The following DARS2 variants were observed in gnomAD, a reference collection of about 807,000 sequenced individuals.
DARS2 encodes aspartate--tRNA ligase, mitochondrial.
DARS2 carries 63 observed loss-of-function variants against 83.0 expected under a neutral mutation model. The ratio of observed to expected loss-of-function variants is 0.76; its 90% confidence interval spans 0.62 to 0.94. The LOEUF is 0.94. DARS2 is among the 40% of genes least tolerant of loss of function. The probability of loss-of-function intolerance (pLI) is 0.00; values close to 1 mark genes in which losing one functional copy is unlikely to be tolerated. For missense variants in DARS2, 675 were observed against 774.4 expected (o/e 0.87, Z 1.52); for synonymous variants, 250 against 269.3 (o/e 0.93, Z 0.70).
chr1:173,831,735 A>C (rs1652805217), intron 5 of DARS2, 105 bp downstream of exon 5: 2 of 927,388 alleles, frequency 2.2e-6, no homozygotes, highest in Non-Finnish European at 3.5e-6. Flanking sequence ...TACAAAATTA[A>C]GCATTTTATT....
intron 11 of DARS2, among the ~76,000 whole-genome samples, chr1:173,844,279 T>C (rs1346019213): frequency 6.6e-6 from 1 of 152,198 alleles, no homozygotes; most frequent in Admixed American, 6.5e-5. Flanking sequence ...TCTGAAAGTT[T>C]TCTTTCACAA....
chr1:173,840,036 T>C (rs1653148317), intron 10 of DARS2, among the ~76,000 whole-genome samples: 1 of 152,202 alleles, frequency 6.6e-6, no homozygotes. Flanking sequence ...CAATATCCCT[T>C]GATCCCTGTA....
intron 12 of DARS2, 43 bp from the exon 13 acceptor site, chr1:173,850,283 CA>C (rs199872112): frequency 0.056 from 73,092 of 1,298,244 alleles, no homozygotes; most frequent in Middle Eastern, 0.079. Flanking sequence ...TCCCACTGTT[CA>C]AAAAAAAAAA....
rs746792915 is a variant in DARS2 at position 173,850,400 on chromosome 1, A to C, written c.1265A>C (p.Gln422Pro). ...GTTGCTAATTTCATAATGGAGTCAC[A>C]AAGACTGGAATTAATCAGACTAATG... ...SPVANFIMES[Q>P]RLELIRLMET... is the part of the protein sequence containing the mutation. The change falls in exon 13 of 17, where the codon CAA becomes CCA. Residue 422 changes from glutamine to proline, a missense_variant. Coordinates refer to ENST00000649689, the MANE Select transcript of DARS2 (RefSeq NM_018122.5). The C allele has an allele frequency of 6.2e-7, 1 of 1,613,944 alleles. No homozygotes were observed. Among genetic ancestry groups the C allele is most frequent in the Non-Finnish European group, 8.5e-7 (1 of 1,179,944 alleles).
At chr1:173,834,626 A>G (rs1187521655) in intron 7 of DARS2, 107 bp downstream of exon 7, 7 of 716,378 alleles carry the variant, frequency 9.8e-6, no homozygotes, top group African/African-American at 5.3e-5. Flanking sequence ...CTGCCTCAGG[A>G]TGGTCATATT....
chr1:173,857,009 A>G (rs1653880679), intron 16 of DARS2, among the ~76,000 whole-genome samples: 1 of 152,226 alleles, frequency 6.6e-6, no homozygotes, highest in Admixed American at 6.5e-5. Context: ...CCATGGCCTC[A>G]CATACGCACT....
At chr1:173,831,814 T>G (rs1453863033) in intron 5 of DARS2, among the ~76,000 whole-genome samples, 184 bp downstream of exon 5, 1 of 152,256 alleles carries the variant, frequency 6.6e-6, no homozygotes, top group Non-Finnish European at 1.5e-5. Context: ...ATAATGACAG[T>G]TCAGTAAACT....
Position 173,853,348 on chromosome 1 carries a change from G to A in DARS2, c.1345-1G>A. 1 of 1,613,358 alleles carries A rather than the reference G, an allele frequency of 6.2e-7. No individual in the cohort carries two copies. The highest frequency in any genetic ancestry group is 1.1e-5 in the South Asian group (1 of 91,048). ...TCAATGTTTACGTCTTCTGTTTGCA[G>A]TGCTCTTTGTTAGGAAAATTACGAC... On this transcript the variant is annotated splice_acceptor_variant, in intron 13 of 16. Coordinates refer to ENST00000649689, the MANE Select transcript of DARS2 (RefSeq NM_018122.5). LOFTEE classifies it high-confidence loss of function.
At chr1:173,831,203 C>A (rs1481269501) in intron 4 of DARS2, among the ~76,000 whole-genome samples, 8 of 149,816 alleles carry the variant, frequency 5.3e-5, no homozygotes, top group Non-Finnish European at 1.2e-4. Context: ...GCGTGAGCCA[C>A]CGTGCCTGGC....
At chr1:173,825,484 T>TTATTATTATTATTA (rs1188697336) in intron 1 of DARS2, 128 bp downstream of exon 1, 30 of 537,548 alleles carry the variant, frequency 5.6e-5, no homozygotes, top group Non-Finnish European at 7.5e-5. Flanking sequence ...ATTATTATTA[T>TTATTATTATTATTA]TTGAGACGGA....
chr1:173,832,012 G>A (rs776968462), intron 5 of DARS2, among the ~76,000 whole-genome samples: 21 of 152,160 alleles, frequency 1.4e-4, no homozygotes, highest in Non-Finnish European at 2.9e-5. Context: ...GTGATAAAAT[G>A]TGTGCTTAGA....
At chr1:173,835,631 G>C (rs746574772) in intron 7 of DARS2, among the ~76,000 whole-genome samples, 14 of 152,020 alleles carry the variant, frequency 9.2e-5, no homozygotes, top group Non-Finnish European at 1.6e-4. Context: ...TTTTCGGCCA[G>C]GCACAGTGGC....
intron 12 of DARS2, among the ~76,000 whole-genome samples, chr1:173,845,532 A>G (rs1653402076): frequency 6.6e-6 from 1 of 152,142 alleles, no homozygotes; most frequent in Non-Finnish European, 1.5e-5. Context: ...CTTAGGCTCA[A>G]GCAATGCTCC....
intron 2 of DARS2, among the ~76,000 whole-genome samples, chr1:173,828,073 C>T (rs1382948996): frequency 6.6e-6 from 1 of 151,448 alleles, no homozygotes; most frequent in Non-Finnish European, 1.5e-5. Context: ...ATTAATATAC[C>T]AGGTAAGTAG....
chr1:173,851,197 C>T (rs942734259), intron 13 of DARS2, among the ~76,000 whole-genome samples: 4 of 144,692 alleles, frequency 2.8e-5, no homozygotes, highest in South Asian at 2.2e-4. Context: ...TGCAGTGAGC[C>T]GAGATTGTGC....
chr1:173,853,895 C>A lies in DARS2; in HGVS notation c.1664C>A (p.Thr555Asn). 6.2e-7 allele frequency: 1 copy of A among 1,613,430 alleles called. No homozygotes were observed. The highest frequency in any genetic ancestry group is 1.1e-5 in the South Asian group (1 of 91,076). Residue 555 changes from threonine to asparagine, a missense_variant, in exon 15 of 17, where the codon ACC becomes AAC. By Grantham distance (65) the Thr-to-Asn change is moderately conservative. Coordinates refer to ENST00000649689, the MANE Select transcript of DARS2 (RefSeq NM_018122.5). The stretch of plus-strand genomic sequence containing the variant: ...GAGCTGCAGCGTTATATCCTGGCAA[C>A]CTTACTAAAGGTAACAAACATCATC... The part of the protein sequence containing the change: ...NAELQRYILA[T>N]LLKEDVKMLS...
At chr1:173,836,801 G>A in intron 7 of DARS2, 139 bp from the exon 8 acceptor site, 1 of 742,804 alleles carries the variant, frequency 1.3e-6, no homozygotes, top group East Asian at 2.5e-5. Flanking sequence ...GCAGGAAATT[G>A]TCTCTGTCAT....
intron 12 of DARS2, among the ~76,000 whole-genome samples, chr1:173,847,711 T>C (rs966825558): frequency 6.6e-6 from 1 of 152,120 alleles, no homozygotes; most frequent in African/African-American, 2.4e-5. Flanking sequence ...TTTGGAAATA[T>C]CTCTACATAC....
At chr1:173,834,324 G>C in intron 6 of DARS2, 149 bp from the exon 7 acceptor site, 1 of 632,240 alleles carries the variant, frequency 1.6e-6, no homozygotes, top group South Asian at 1.9e-5. Context: ...TAGATTTGTA[G>C]AAACCAGCAC....
Sources: gnomAD v4.1 joint callset for allele counts (sites outside exome capture counted in the v4.1 genomes callset) on GRCh38, gnomAD v4.1.1 for gene constraint, MANE v1.5 for transcripts, NCBI Gene and HGNC (gene_info 2026-07-23, HGNC 2026-07-21) for gene names.